NRG2: variants seen among roughly 807,000 people sequenced by gnomAD.
NRG2 encodes neuregulin 2.
In NRG2, 27 loss-of-function variants were observed where a neutral mutation model predicts 73.9. That is an observed-to-expected ratio of 0.37 (90% confidence interval 0.27 to 0.50). The LOEUF is 0.50. NRG2 is among the 20% of genes least tolerant of loss of function. NRG2 has a pLI of 0.96. For synonymous variants in NRG2, 532 were observed against 541.0 expected (o/e 0.98, Z 0.23); for missense variants, 1,126 against 1,210.1 (o/e 0.93, Z 1.03).
chr5:140,023,132 C>G (rs1343574707), intron 1 of NRG2, among the ~76,000 whole-genome samples: 1 of 152,202 alleles, frequency 6.6e-6, no homozygotes, highest in African/African-American at 2.4e-5. Context: ...ACATTCCTCT[C>G]TTTCTATCAT....
intron 1 of NRG2, among the ~76,000 whole-genome samples, chr5:139,977,010 C>T (rs757751735): frequency 6.6e-6 from 1 of 152,162 alleles, no homozygotes; most frequent in Non-Finnish European, 1.5e-5. Flanking sequence ...ACTTGAAGGA[C>T]TAGACTAGGA....
At chr5:139,968,068 G>T (rs548578147) in intron 1 of NRG2, among the ~76,000 whole-genome samples, 73 of 152,294 alleles carry the variant, frequency 4.8e-4, no homozygotes, top group African/African-American at 1.7e-3. Flanking sequence ...CATTCCAGGG[G>T]GAGGAGGCCA....
At position 139,961,548 on chromosome 5, in the gene NRG2, G is replaced by A. The variant is rs922826711; in HGVS notation, c.701-74037C>T. The stretch of plus-strand genomic sequence containing the variant: ...CCACCATCCCAGCGACAGCAACCCC[G>A]TAGGGGCTGATCAGCATGGGGCTGG... On this transcript the variant is annotated intron_variant, in intron 1 of 9. Coordinates refer to ENST00000361474, the MANE Select transcript of NRG2 (RefSeq NM_004883.3). Among the ~76,000 whole-genome samples the A allele has an allele frequency of 3.3e-5, 5 of 152,164 alleles. No individual in the cohort carries two copies. In the South Asian group the frequency reaches 6.2e-4, roughly 19 times the overall value.
In NRG2 at chr5:139,848,203, G is replaced by C. The variant is rs1358717624; in HGVS notation, c.2267C>G (p.Ala756Gly). The C allele has an allele frequency of 3.1e-6, 4 of 1,296,368 alleles. No individual in the cohort carries two copies. The highest frequency in any genetic ancestry group is 2.2e-5 in the South Asian group (1 of 45,932). The allele number at this position is 1,296,368 out of a possible 1,614,324, so 80.3% of individuals were successfully genotyped here. A position where few individuals can be genotyped will look rare whatever the true frequency, so the allele number is the denominator to read the frequency against. The part of the protein sequence containing the change: ...SRLNGLAAQR[A>G]RAARDSLSLS... Reference sequence around the variant, plus strand: ...CGACAGCGAGTCCCTCGCCGCCCGTGCGCGCTGCGCCGCCAGCCCGTTGAG... The same window carrying C: ...CGACAGCGAGTCCCTCGCCGCCCGTCCGCGCTGCGCCGCCAGCCCGTTGAG... The change falls in exon 10 of 10, where the codon GCA (alanine) becomes GGA (glycine). Residue 756 changes from alanine to glycine, a missense_variant. Coordinates refer to ENST00000361474, the MANE Select transcript of NRG2 (RefSeq NM_004883.3).
chr5:139,927,447 A>AG (rs1397317798), intron 1 of NRG2, among the ~76,000 whole-genome samples: 3 of 152,126 alleles, frequency 2.0e-5, no homozygotes, highest in Non-Finnish European at 4.4e-5. Flanking sequence ...AAAGTCCTCT[A>AG]GTTCCCTGTT....
rs745901330 is a variant in NRG2 at position 139,852,359 on chromosome 5, G to A, written c.1544+73C>T. On this transcript the variant is annotated intron_variant, in intron 8 of 9. Transcript: ENST00000361474. This position sits in a 1 kb window ranked among gnomAD's most constrained non-coding sequence, Gnocchi z 4.4. The stretch of plus-strand genomic sequence containing the variant: ...AGGGTATTGAATAGCTCTGGATGTC[G>A]GAGTAAGTGGGCACTTTGCGCCAGA... 19 of 1,558,654 alleles carry A rather than the reference G, an allele frequency of 1.2e-5. No individual in the cohort carries two copies. The highest frequency in any genetic ancestry group is 4.5e-4 in the Middle Eastern group (2 of 4,398).
At chr5:139,901,027 G>A (rs1490567995) in intron 1 of NRG2, among the ~76,000 whole-genome samples, 3 of 152,196 alleles carry the variant, frequency 2.0e-5, no homozygotes, top group Non-Finnish European at 2.9e-5. Context: ...TCTTTTAAGG[G>A]GGACTATACC....
chr5:139,989,660 G>T (rs1441995766), intron 1 of NRG2, among the ~76,000 whole-genome samples: 2 of 151,808 alleles, frequency 1.3e-5, no homozygotes, highest in African/African-American at 4.8e-5. Flanking sequence ...TGTCACCACA[G>T]TTCATTCATT....
chr5:139,999,600 G>A (rs943802734), intron 1 of NRG2, among the ~76,000 whole-genome samples: 3 of 152,208 alleles, frequency 2.0e-5, no homozygotes, highest in East Asian at 1.9e-4. Context: ...CATTGTTCAA[G>A]AAGAATGATT....
intron 1 of NRG2, among the ~76,000 whole-genome samples, chr5:140,007,555 C>T (rs868618431): frequency 1.3e-5 from 2 of 152,060 alleles, no homozygotes; most frequent in Non-Finnish European, 2.9e-5. Context: ...ACTCAGGAGC[C>T]GGAGGCCTGT....
At chr5:139,972,616 C>T (rs142703278) in intron 1 of NRG2, among the ~76,000 whole-genome samples, 1,597 of 152,188 alleles carry the variant, frequency 0.01, 19 homozygotes, top group African/African-American at 0.036. Flanking sequence ...CCCAGCTACT[C>T]GGGAGGCTGA....
chr5:140,042,298 C>A (rs1419001229), intron 1 of NRG2, 72 bp downstream of exon 1: 4 of 1,100,608 alleles, frequency 3.6e-6, no homozygotes, highest in Admixed American at 3.3e-5. Context: ...TGCAGCACCT[C>A]CCCGCCCCAC....
In NRG2 at chr5:139,851,810, G is replaced by C; in HGVS notation, c.1566C>G (p.Ser522Arg). 1.2e-6 allele frequency: 2 copies of C among 1,614,174 alleles called. No homozygotes were observed. The highest frequency in any genetic ancestry group is 1.1e-5 in the South Asian group (1 of 91,072). ...AAGTCAGGCTCTCAGAACGTTCCAG[G>C]CTCCACGTGTGGCTCTCGTGTCTGG... ...SSHRHESHTW[S>R]LERSESLTSD... The change falls in exon 9 of 10, where the codon AGC becomes AGG. Residue 522 changes from serine (S) to arginine (R), a missense_variant. Around this residue, in one of 3 missense-constraint regions of NRG2, gnomAD observed 539 missense variants for 703.2 expected, o/e 0.77. Transcript: ENST00000361474. This position sits in a 1 kb window ranked among gnomAD's most constrained non-coding sequence, Gnocchi z 4.2.
At position 139,848,185 on chromosome 5, in the gene NRG2, G is replaced by C; in HGVS notation, c.2285C>G (p.Ser762Trp). The part of the protein sequence containing the change: ...AAQRARAARD[S>W]LSLSSGSGGG... ...GCCCGAGCCGCTGCTCAGCGACAGC[G>C]AGTCCCTCGCCGCCCGTGCGCGCTG... The change falls in exon 10 of 10, where the codon TCG (serine) becomes TGG (tryptophan). Residue 762 changes from serine to tryptophan, a missense_variant. By Grantham distance (177) the Ser-to-Trp change is radical (BLOSUM62 -3). Transcript: ENST00000361474. The C allele has an allele frequency of 2.1e-6, 3 of 1,398,328 alleles. No individual in the cohort carries two copies. The highest frequency in any genetic ancestry group is 1.5e-5 in the South Asian group (1 of 65,996). 86.6% of individuals were successfully genotyped at this position (1,398,328 alleles called of 1,614,324 possible). A position where few individuals can be genotyped will look rare whatever the true frequency, so the allele number is the denominator to read the frequency against.
intron 1 of NRG2, among the ~76,000 whole-genome samples, chr5:139,981,684 C>T (rs375309069): frequency 3.9e-5 from 6 of 152,214 alleles, no homozygotes; most frequent in African/African-American, 1.4e-4. Flanking sequence ...GTTCCAGGAG[C>T]ACCATGAGGA....
chr5:140,018,410 A>G (rs1044885569), intron 1 of NRG2, among the ~76,000 whole-genome samples: 1 of 152,224 alleles, frequency 6.6e-6, no homozygotes, highest in South Asian at 2.1e-4. Flanking sequence ...ACTCCTTCGT[A>G]TGGTAACTTT....
At chr5:139,953,766 G>A (rs1754411934) in intron 1 of NRG2, among the ~76,000 whole-genome samples, 1 of 152,172 alleles carries the variant, frequency 6.6e-6, no homozygotes. Context: ...GAGGGAGAAG[G>A]AAAGACAGAG....
rs908703669 is a variant in NRG2, at chr5:139,894,390, G to C, written c.701-6879C>G. On this transcript the variant is annotated intron_variant, in intron 1 of 9. Coordinates refer to ENST00000361474, the MANE Select transcript of NRG2 (RefSeq NM_004883.3). This position sits in a 1 kb window ranked among gnomAD's most constrained non-coding sequence, Gnocchi z 5.0. ...GCAGGCCAGCCCCCTTCCCACCCCT[G>C]TCCCACCCACAAAGTGACTGCAACC... Among the ~76,000 whole-genome samples, 2 of 149,992 alleles carry C rather than the reference G, an allele frequency of 1.3e-5. No individual in the cohort carries two copies. Among genetic ancestry groups the C allele is most frequent in the African/African-American group, 4.9e-5 (2 of 40,770 alleles).
chr5:139,912,060 A>C (rs1750863751), intron 1 of NRG2, among the ~76,000 whole-genome samples: 1 of 152,126 alleles, frequency 6.6e-6, no homozygotes, highest in Non-Finnish European at 1.5e-5. Flanking sequence ...AGCCTAGCAG[A>C]GGTAATGAGT....
Sources: gnomAD v4.1 joint callset for allele counts (sites outside exome capture counted in the v4.1 genomes callset) on GRCh38, gnomAD v4.1.1 for gene constraint, gnomAD v4.1.1 regional missense constraint, Gnocchi (gnomAD v3.1) non-coding constraint, MANE v1.5 for transcripts, NCBI Gene and HGNC (gene_info 2026-07-23, HGNC 2026-07-21) for gene names.